CSMD3: variants seen among roughly 807,000 people sequenced by gnomAD.
The protein encoded by CSMD3 is CUB and sushi domain-containing protein 3.
CSMD3 carries 177 observed loss-of-function variants against 435.2 expected under a neutral mutation model. That is an observed-to-expected ratio of 0.41 (90% CI 0.36 to 0.46). The LOEUF (loss-of-function observed/expected upper bound fraction) is 0.46. Ranked by LOEUF, CSMD3 falls within the 20% of genes least tolerant of loss-of-function variation. The pLI, the probability that CSMD3 is intolerant of heterozygous loss-of-function variation, is 0.34. For synonymous variants in CSMD3, 1,656 were observed against 1,520.5 expected (o/e 1.09, Z -2.07); for missense variants, 4,265 against 4,504.6 (o/e 0.95, Z 1.52).
Position 112,693,604 on chromosome 8 carries a change from G to C in CSMD3, c.1973-3554C>G, listed in dbSNP as rs140891519. Among the ~76,000 whole-genome samples, 8 of 151,844 alleles carry C rather than the reference G, an allele frequency of 5.3e-5. No homozygotes were observed. The East Asian group carries it at 1.5e-3, about 29-fold the overall frequency. On this transcript the variant is annotated intron_variant, in intron 13 of 70. Transcript: ENST00000297405. The stretch of plus-strand genomic sequence containing the variant: ...AGAGCTAGGATTCCTTTTCAGACTT[G>C]CTGTTTTTAAATATACTCATTTTTA...
chr8:112,599,986 A>T (rs1832172005), intron 22 of CSMD3, among the ~76,000 whole-genome samples: 1 of 151,302 alleles, frequency 6.6e-6, no homozygotes, highest in Non-Finnish European at 1.5e-5. Context: ...AACCTGCACA[A>T]TGTGCACATG....
At chr8:112,861,807 T>A (rs990255082) in intron 10 of CSMD3, among the ~76,000 whole-genome samples, 2 of 152,078 alleles carry the variant, frequency 1.3e-5, no homozygotes, top group African/African-American at 4.8e-5. Flanking sequence ...AGCTTTCTGA[T>A]TGAATATACT....
At chr8:112,720,984 A>T (rs2076845150) in intron 13 of CSMD3, among the ~76,000 whole-genome samples, 2 of 152,172 alleles carry the variant, frequency 1.3e-5, no homozygotes, top group African/African-American at 2.4e-5. Flanking sequence ...TACAAAATCT[A>T]GTTCAAGTCT....
chr8:113,208,324 T>A (rs2092794515), intron 3 of CSMD3, among the ~76,000 whole-genome samples: 2 of 152,096 alleles, frequency 1.3e-5, no homozygotes, highest in South Asian at 4.1e-4. Flanking sequence ...GCTGGACCAG[T>A]TACAGGCAAT....
intron 45 of CSMD3, among the ~76,000 whole-genome samples, chr8:112,324,571 G>GTC (rs1321405702): frequency 2.0e-5 from 2 of 99,912 alleles, no homozygotes; most frequent in Non-Finnish European, 5.2e-5. Context: ...GAAGCAAGGG[G>GTC]TGTGTGTGTG....
intron 32 of CSMD3, among the ~76,000 whole-genome samples, chr8:112,437,084 T>G (rs1236730303): frequency 6.6e-6 from 1 of 152,024 alleles, no homozygotes; most frequent in Non-Finnish European, 1.5e-5. Flanking sequence ...TGAAATTCAC[T>G]GGATTTATAT....
chr8:112,482,881 A>G (rs1205293691), intron 31 of CSMD3, among the ~76,000 whole-genome samples: 1 of 152,140 alleles, frequency 6.6e-6, no homozygotes, highest in Non-Finnish European at 1.5e-5. Flanking sequence ...CAGTAAATGC[A>G]GTTTGTAATT....
intron 6 of CSMD3, among the ~76,000 whole-genome samples, chr8:113,007,034 G>A (rs1259760261): frequency 6.6e-6 from 1 of 151,944 alleles, no homozygotes; most frequent in Non-Finnish European, 1.5e-5. Flanking sequence ...ACAGTGGCAA[G>A]TAAGAAATTT....
chr8:112,340,512 T>A (rs1200974126), intron 42 of CSMD3, among the ~76,000 whole-genome samples: 2 of 152,134 alleles, frequency 1.3e-5, no homozygotes, highest in African/African-American at 4.8e-5. Flanking sequence ...GATACTCCAA[T>A]GAACAACCCA....
intron 10 of CSMD3, among the ~76,000 whole-genome samples, chr8:112,898,087 G>A (rs1303773000): frequency 6.6e-6 from 1 of 151,006 alleles, no homozygotes; most frequent in Non-Finnish European, 1.5e-5. Flanking sequence ...CCTTACTGCT[G>A]TGCCCAAATG....
At chr8:113,386,381 A>G (rs1365889753) in intron 1 of CSMD3, among the ~76,000 whole-genome samples, 2 of 151,960 alleles carry the variant, frequency 1.3e-5, no homozygotes, top group East Asian at 3.9e-4. Flanking sequence ...GAAGACGAAA[A>G]TATATGTCAC....
chr8:113,427,372 TGTC>T (rs2094641874), intron 1 of CSMD3, among the ~76,000 whole-genome samples: 1 of 151,394 alleles, frequency 6.6e-6, no homozygotes, highest in Admixed American at 6.6e-5. Context: ...CATGTATCTG[TGTC>T]TCCTTACACA....
At chr8:113,296,255 C>A (rs1010416365) in intron 2 of CSMD3, among the ~76,000 whole-genome samples, 1 of 150,512 alleles carries the variant, frequency 6.6e-6, no homozygotes, top group African/African-American at 2.4e-5. Flanking sequence ...ATGTAACAAA[C>A]CTGCATATTG....
chr8:112,824,185 C>G (rs1166962891), intron 12 of CSMD3, among the ~76,000 whole-genome samples: 3 of 151,848 alleles, frequency 2.0e-5, no homozygotes, highest in Non-Finnish European at 4.4e-5. Context: ...GTATTTTGAG[C>G]CTATTTGTGT....
intron 5 of CSMD3, among the ~76,000 whole-genome samples, chr8:113,038,314 G>A (rs568825834): frequency 2.6e-5 from 4 of 152,148 alleles, no homozygotes; most frequent in East Asian, 1.9e-4. Context: ...AAAATAAATC[G>A]TGCTTATATT....
intron 13 of CSMD3, among the ~76,000 whole-genome samples, chr8:112,764,296 A>G (rs1280331191): frequency 6.6e-6 from 1 of 151,484 alleles, no homozygotes; most frequent in African/African-American, 2.4e-5. Flanking sequence ...CTTGTTTCTG[A>G]TCTTATTAAA....
At chr8:112,522,204 C>T (rs921616946) in intron 27 of CSMD3, among the ~76,000 whole-genome samples, 1 of 151,740 alleles carries the variant, frequency 6.6e-6, no homozygotes, top group South Asian at 2.1e-4. Flanking sequence ...CTAAAATTCT[C>T]ATTACCCCGA....
In CSMD3 at chr8:112,995,338, T is replaced by C. The variant is rs182751430; in HGVS notation, c.1031-19190A>G. The stretch of plus-strand genomic sequence containing the variant: ...AATGACGGCACATTTAGTTTTGGTA[T>C]AATAATGTGAGGGGAATTAGTAAAG... On this transcript the variant is annotated intron_variant, in intron 6 of 70. Coordinates refer to ENST00000297405, the MANE Select transcript of CSMD3 (RefSeq NM_198123.2). 5.0e-3 allele frequency among the ~76,000 whole-genome samples: 762 copies of C among 151,608 alleles called. 2 individuals are homozygous for C. Among genetic ancestry groups the C allele is most frequent in the Non-Finnish European group, 7.5e-3 (506 of 67,608 alleles).
At chr8:113,064,855 C>G (rs2088785177) in intron 5 of CSMD3, among the ~76,000 whole-genome samples, 1 of 152,024 alleles carries the variant, frequency 6.6e-6, no homozygotes, top group Admixed American at 6.6e-5. Context: ...GAAAATATCT[C>G]CTAGAAGATA....
Sources: allele counts gnomAD v4.1 joint callset (sites outside exome capture counted in the v4.1 genomes callset), GRCh38; gene constraint gnomAD v4.1.1; transcripts MANE v1.5; gene names NCBI Gene and HGNC (gene_info 2026-07-23, HGNC 2026-07-21).